SEMA5A: variants seen among roughly 807,000 people sequenced by gnomAD.
SEMA5A encodes semaphorin 5A.
In SEMA5A, 55 loss-of-function variants were observed where a neutral mutation model predicts 135.5. The observed-to-expected ratio is 0.41, with a 90% CI of 0.33 to 0.51. The LOEUF is 0.51. Among genes scored for constraint, SEMA5A ranks in the 20% least tolerant of loss-of-function variants. The probability of loss-of-function intolerance (pLI) is 0.37; values close to 1 mark genes in which losing one functional copy is unlikely to be tolerated. For synonymous variants in SEMA5A, 580 were observed against 546.5 expected, an observed-to-expected ratio of 1.06 and a Z score of -0.85; for missense variants, 1,290 against 1,419.9, an observed-to-expected ratio of 0.91 and a Z score of 1.47.
chr5:9,194,987 G>A (rs891530709), intron 10 of SEMA5A, among the ~76,000 whole-genome samples: 7 of 152,124 alleles, frequency 4.6e-5, no homozygotes, highest in Admixed American at 2.6e-4. Context: ...TTCACAGTAA[G>A]GCCTTCTGCA....
chr5:9,275,891 A>C (rs1579768803), intron 5 of SEMA5A, among the ~76,000 whole-genome samples: 1 of 152,326 alleles, frequency 6.6e-6, no homozygotes, highest in South Asian at 2.1e-4. Context: ...AATGGGCGAA[A>C]AACTGGCACA....
At chr5:9,362,068 C>T (rs1328932175) in intron 3 of SEMA5A, among the ~76,000 whole-genome samples, 1 of 152,156 alleles carries the variant, frequency 6.6e-6, no homozygotes, top group African/African-American at 2.4e-5. Flanking sequence ...ACAATGTCCA[C>T]CCACAGCCAT....
intron 5 of SEMA5A, among the ~76,000 whole-genome samples, chr5:9,311,038 A>G (rs969099605): frequency 2.6e-5 from 4 of 152,046 alleles, no homozygotes; most frequent in African/African-American, 9.7e-5. Flanking sequence ...ATCACAGATT[A>G]GAAAATGGCT....
At chr5:9,307,512 TC>T (rs1751927671) in intron 5 of SEMA5A, among the ~76,000 whole-genome samples, 2 of 152,062 alleles carry the variant, frequency 1.3e-5, no homozygotes, top group South Asian at 4.1e-4. Context: ...TTTATGTTTC[TC>T]CTTTGCTTTT....
At chr5:9,094,010 C>T (rs1337334355) in intron 16 of SEMA5A, among the ~76,000 whole-genome samples, 1 of 152,242 alleles carries the variant, frequency 6.6e-6, no homozygotes, top group African/African-American at 2.4e-5. Context: ...TCCTCCTCCT[C>T]ATGTTCCACT....
At chr5:9,258,282 A>G (rs1241855329) in intron 5 of SEMA5A, among the ~76,000 whole-genome samples, 4 of 152,222 alleles carry the variant, frequency 2.6e-5, no homozygotes, top group Non-Finnish European at 5.9e-5. Context: ...TCAGGGAACC[A>G]AAATTTTACT....
intron 3 of SEMA5A, 34 bp downstream of exon 3, chr5:9,379,789 A>T (rs1352640725): frequency 1.2e-6 from 2 of 1,601,164 alleles, no homozygotes; most frequent in African/African-American, 2.7e-5. Context: ...CATTTAGATG[A>T]CGGCTTTGCA....
At chr5:9,046,401 A>AT (rs936382526) in intron 21 of SEMA5A, among the ~76,000 whole-genome samples, 132 of 152,178 alleles carry the variant, frequency 8.7e-4, no homozygotes, top group Middle Eastern at 3.4e-3. Context: ...CTCCCCAGGG[A>AT]TTTTCTGAGC....
At chr5:9,160,530 G>C (rs1407988201) in intron 11 of SEMA5A, among the ~76,000 whole-genome samples, 1 of 152,190 alleles carries the variant, frequency 6.6e-6, no homozygotes, top group African/African-American at 2.4e-5. Flanking sequence ...ATAACATGCT[G>C]TCACCAGACC....
chr5:9,470,302 A>G (rs1476503225), intron 1 of SEMA5A, among the ~76,000 whole-genome samples: 2 of 152,198 alleles, frequency 1.3e-5, no homozygotes, highest in Admixed American at 6.5e-5. Flanking sequence ...ATGCAGCAAT[A>G]CTGTACAATG....
At chr5:9,274,378 C>T (rs966959206) in intron 5 of SEMA5A, among the ~76,000 whole-genome samples, 4 of 152,032 alleles carry the variant, frequency 2.6e-5, no homozygotes, top group East Asian at 1.9e-4. Flanking sequence ...GACTCCTACA[C>T]GATAGTGGGA....
chr5:9,058,147 T>C (rs1736993597), intron 18 of SEMA5A, among the ~76,000 whole-genome samples: 1 of 152,174 alleles, frequency 6.6e-6, no homozygotes, highest in South Asian at 2.1e-4. Flanking sequence ...GTGAACTATA[T>C]TGGACTAAAA....
chr5:9,301,925 G>A, intron 5 of SEMA5A, among the ~76,000 whole-genome samples: 1 of 152,000 alleles, frequency 6.6e-6, no homozygotes, highest in East Asian at 1.9e-4. Context: ...CCAAACTCAA[G>A]GTGGTAGCAG....
chr5:9,244,487 A>T (rs1327389201), intron 5 of SEMA5A, among the ~76,000 whole-genome samples: 1 of 152,106 alleles, frequency 6.6e-6, no homozygotes. Context: ...TGCCTCCTAC[A>T]TACCTTTGTT....
At chr5:9,052,131 C>T in intron 19 of SEMA5A, 103 bp from the exon 20 acceptor site, 2 of 1,263,686 alleles carry the variant, frequency 1.6e-6, no homozygotes, top group South Asian at 1.6e-5. Context: ...TTCCAGGATT[C>T]CATAGCATAT....
At chr5:9,295,032 C>T (rs1747889509) in intron 5 of SEMA5A, among the ~76,000 whole-genome samples, 2 of 152,152 alleles carry the variant, frequency 1.3e-5, no homozygotes, top group South Asian at 4.1e-4. Context: ...TCAAAACCCA[C>T]TCTCCCTGCT....
chr5:9,424,583 G>A lies in SEMA5A; in HGVS notation c.-78+13173C>T, dbSNP rs374824230. 1.2e-4 allele frequency among the ~76,000 whole-genome samples: 18 copies of A among 152,148 alleles called. No homozygotes were observed. In the South Asian group the frequency reaches 3.3e-3, roughly 28 times the overall value. On this transcript the variant is annotated intron_variant, in intron 2 of 22. Coordinates refer to ENST00000382496, the MANE Select transcript of SEMA5A (RefSeq NM_003966.3). The stretch of plus-strand genomic sequence containing the variant: ...GTGTATCTGTCTACTCTCTAGACCC[G>A]ATGAGAAATGAAAGCCTTCAACTCA...
At chr5:9,106,844 G>A (rs951404713) in intron 16 of SEMA5A, among the ~76,000 whole-genome samples, 11 of 152,188 alleles carry the variant, frequency 7.2e-5, no homozygotes, top group African/African-American at 2.2e-4. Context: ...GGAAAGAAGT[G>A]TCTTTATAAT....
rs73742627 is a variant in SEMA5A, at chr5:9,287,719, C to T, written c.270+30653G>A. Among the ~76,000 whole-genome samples the T allele has an allele frequency of 7.6e-3, 1,162 of 152,224 alleles. 13 individuals carry two copies. The highest frequency in any genetic ancestry group is 0.026 in the African/African-American group (1,061 of 41,528). ...TATTCATATACTTATTGTCTATAGC[C>T]GGCTTTGTACCATCATGGCAGAGTT... is the stretch of plus-strand genomic sequence containing the variant. On this transcript the variant is annotated intron_variant, in intron 5 of 22. Coordinates refer to ENST00000382496, the MANE Select transcript of SEMA5A (RefSeq NM_003966.3).
Sources: gnomAD v4.1 joint callset for allele counts (sites outside exome capture counted in the v4.1 genomes callset) on GRCh38, gnomAD v4.1.1 for gene constraint, MANE v1.5 for transcripts, NCBI Gene and HGNC (gene_info 2026-07-23, HGNC 2026-07-21) for gene names.